UBE2U: variants seen among roughly 807,000 people sequenced by gnomAD.
UBE2U encodes the protein ubiquitin-conjugating enzyme E2 U.
A neutral mutation model predicts 41.2 loss-of-function variants in UBE2U; 39 were observed. The observed-to-expected ratio is 0.95, with a 90% CI of 0.73 to 1.24. UBE2U has a LOEUF of 1.24. UBE2U is among the 50% of genes most tolerant of loss of function. The pLI is 0.00. For synonymous variants in UBE2U, 107 were observed against 117.8 expected, an observed-to-expected ratio of 0.91 and a Z score of 0.60; for missense variants, 336 against 363.1, an observed-to-expected ratio of 0.93 and a Z score of 0.61.
At chr1:64,238,262 C>T (rs548000456) in intron 7 of UBE2U, among the ~76,000 whole-genome samples, 5 of 151,910 alleles carry the variant, frequency 3.3e-5, no homozygotes, top group African/African-American at 4.8e-5. Flanking sequence ...AAAATTAGCC[C>T]GGCATGGTGG....
chr1:64,245,863 ATATTATCTC>A (rs1287340043), intron 8 of UBE2U, among the ~76,000 whole-genome samples: 1 of 152,160 alleles, frequency 6.6e-6, no homozygotes, highest in Non-Finnish European at 1.5e-5. Context: ...GTGGAGATGG[ATATTATCTC>A]TAGTTTACCA....
intron 7 of UBE2U, among the ~76,000 whole-genome samples, chr1:64,238,171 A>G (rs1438264841): frequency 6.6e-6 from 1 of 152,168 alleles, no homozygotes; most frequent in East Asian, 1.9e-4. Flanking sequence ...TTGGGAGGCC[A>G]AGACAGGTGG....
intron 9 of UBE2U, 90 bp downstream of exon 9, chr1:64,260,784 G>T (rs1192209879): frequency 2.1e-5 from 21 of 1,023,062 alleles, no homozygotes; most frequent in Non-Finnish European, 2.7e-5. Flanking sequence ...ATTTAAGTAA[G>T]TTGGAATATA....
chr1:64,210,546 C>T (rs1181150596), intron 3 of UBE2U, among the ~76,000 whole-genome samples, 196 bp from the exon 4 acceptor site: 1 of 152,092 alleles, frequency 6.6e-6, no homozygotes, highest in South Asian at 2.1e-4. Context: ...TGTAGGGGCA[C>T]CTATGTATTC....
chr1:64,207,653 T>C (rs1651387454), intron 3 of UBE2U, among the ~76,000 whole-genome samples: 1 of 152,162 alleles, frequency 6.6e-6, no homozygotes, highest in South Asian at 2.1e-4. Context: ...CTACTTAAAG[T>C]TATACACAAA....
chr1:64,217,494 T>C (rs969544295), intron 5 of UBE2U, among the ~76,000 whole-genome samples: 1 of 152,232 alleles, frequency 6.6e-6, no homozygotes, highest in South Asian at 2.1e-4. Context: ...TCCTTGTGAA[T>C]GTTGATTTCT....
intron 3 of UBE2U, among the ~76,000 whole-genome samples, chr1:64,207,593 C>T (rs559217594): frequency 3.3e-5 from 5 of 151,838 alleles, no homozygotes; most frequent in South Asian, 2.1e-4. Flanking sequence ...TATAAAAAAA[C>T]GATGCACTGG....
chr1:64,230,885 A>G (rs543561712), intron 6 of UBE2U, among the ~76,000 whole-genome samples: 4 of 152,316 alleles, frequency 2.6e-5, no homozygotes, highest in East Asian at 3.9e-4. Context: ...CATGACGTCA[A>G]TGATAATACT....
At chr1:64,234,196 T>A (rs898428078) in intron 7 of UBE2U, among the ~76,000 whole-genome samples, 1 of 152,216 alleles carries the variant, frequency 6.6e-6, no homozygotes, top group Non-Finnish European at 1.5e-5. Flanking sequence ...ATTATAGGCA[T>A]CTCATATTCA....
intron 9 of UBE2U, among the ~76,000 whole-genome samples, chr1:64,263,669 G>C (rs1222491527): frequency 1.3e-5 from 2 of 152,186 alleles, no homozygotes; most frequent in African/African-American, 4.8e-5. Context: ...GGAAAGAATT[G>C]TGTGTCCCTC....
chr1:64,263,205 G>A (rs1261133995), intron 9 of UBE2U, among the ~76,000 whole-genome samples: 1 of 152,014 alleles, frequency 6.6e-6, no homozygotes, highest in East Asian at 1.9e-4. Flanking sequence ...AGAGGTTGTG[G>A]TAAATTTGAT....
intron 8 of UBE2U, among the ~76,000 whole-genome samples, chr1:64,250,902 A>T (rs1030010846): frequency 8.4e-6 from 1 of 119,672 alleles, no homozygotes; most frequent in Non-Finnish European, 1.7e-5. Context: ...ATCACACACC[A>T]AGGCCTGTCG....
At chr1:64,204,203 A>G (rs1457394031) in intron 1 of UBE2U, 87 bp downstream of exon 1, 1 of 1,286,458 alleles carries the variant, frequency 7.8e-7, no homozygotes, top group African/African-American at 1.5e-5. Context: ...ATAAGTAGTA[A>G]TTTAGTTAAA....
At position 64,260,863 on chromosome 1, in the gene UBE2U, GTAAAT is replaced by G. The variant is rs555695741; in HGVS notation, c.769+172_769+176del. Reference sequence around the variant, plus strand: ...TTTTCTGACTTTCCAAATTAATTTGGTAAATTAGTCACATAGGAATTGGAACTTTG... The same window carrying G: ...TTTTCTGACTTTCCAAATTAATTTGGTAGTCACATAGGAATTGGAACTTTG... On this transcript the variant is annotated intron_variant, in intron 9 of 9. Transcript: ENST00000371077. Among the ~76,000 whole-genome samples, 46 of 152,078 alleles carry G rather than the reference GTAAAT, an allele frequency of 3.0e-4. No individual in the cohort carries two copies. The South Asian group carries it at 9.1e-3, about 30-fold the overall frequency.
At chr1:64,235,756 T>C (rs995040753) in intron 7 of UBE2U, among the ~76,000 whole-genome samples, 13 of 152,306 alleles carry the variant, frequency 8.5e-5, no homozygotes, top group African/African-American at 3.1e-4. Flanking sequence ...GGCATCATCA[T>C]AATAGTAAGT....
At chr1:64,218,249 TA>T (rs1652166915) in intron 5 of UBE2U, among the ~76,000 whole-genome samples, 1 of 152,158 alleles carries the variant, frequency 6.6e-6, no homozygotes, top group Non-Finnish European at 1.5e-5. Flanking sequence ...TTCTGTTACT[TA>T]AAAATGTCAT....
intron 3 of UBE2U, among the ~76,000 whole-genome samples, chr1:64,208,603 CAAAAAAAAAAAAAAAAAAAAAAAAA>C (rs56972795): frequency 3.6e-4 from 13 of 36,466 alleles, no homozygotes; most frequent in Non-Finnish European, 4.1e-4. Flanking sequence ...GACGCTGTCT[CAAAAAAAAAAAAAAAAAAAAAAAAA>C]AAAAAAAAAA....
chr1:64,224,912 A>G (rs1270253554), intron 6 of UBE2U, among the ~76,000 whole-genome samples: 3 of 148,988 alleles, frequency 2.0e-5, no homozygotes, highest in Non-Finnish European at 4.4e-5. Context: ...AGAGTGCCTT[A>G]TAAAATACTG....
rs372591603 is a variant in UBE2U, at chr1:64,212,781, G to A, written c.339+1942G>A. Among the ~76,000 whole-genome samples, 15 of 152,208 alleles carry A rather than the reference G, an allele frequency of 9.9e-5. 1 individual carries two copies. The East Asian group carries it at 1.9e-3, about 20-fold the overall frequency. On this transcript the variant is annotated intron_variant, in intron 4 of 9. Transcript: ENST00000371077. ...TCCTCAAAAAGTTTTGAATTCTGGGGTATTTAGGATTTCAGATTTTCAGAT... is the reference window on the plus strand; with the variant it reads ...TCCTCAAAAAGTTTTGAATTCTGGGATATTTAGGATTTCAGATTTTCAGAT...
Sources: gnomAD v4.1 joint callset for allele counts (sites outside exome capture counted in the v4.1 genomes callset) on GRCh38, gnomAD v4.1.1 for gene constraint, MANE v1.5 for transcripts, NCBI Gene and HGNC (gene_info 2026-07-23, HGNC 2026-07-21) for gene names.